KLHL13: variants seen among roughly 807,000 people sequenced by gnomAD.
KLHL13 encodes kelch like family member 13.
A neutral mutation model predicts 37.1 loss-of-function variants in KLHL13; 10 were observed. The ratio of observed to expected loss-of-function variants is 0.27; its 90% CI spans 0.17 to 0.46. The LOEUF (loss-of-function observed/expected upper bound fraction) is 0.46, where lower values mean the gene tolerates loss of function less well. KLHL13 is among the 20% of genes least tolerant of loss of function. The probability of loss-of-function intolerance (pLI) is 1.00; values close to 1 mark genes in which losing one functional copy is unlikely to be tolerated. For missense variants in KLHL13, 360 were observed against 509.3 expected, an observed-to-expected ratio of 0.71 and a Z score of 2.82; for synonymous variants, 163 against 181.2, an observed-to-expected ratio of 0.90 and a Z score of 0.81.
At chrX:118,079,522 G>T (rs1293836403) in intron 1 of KLHL13, among the ~76,000 whole-genome samples, 1 of 110,095 alleles carries the variant, frequency 9.1e-6, no homozygotes, top group African/African-American at 3.3e-5. Context: ...GTCAAATCAA[G>T]AACACAATCG....
chrX:117,920,317 T>C, exon 3 of KLHL13: 1 of 1,206,311 alleles, frequency 8.3e-7, no homozygotes, highest in Non-Finnish European at 1.1e-6. Flanking sequence ...CTGTGTCACC[T>C]GGCATCAGGG....
chrX:117,902,989 G>A (rs772144143), intron 5 of KLHL13, among the ~76,000 whole-genome samples: 2 of 110,375 alleles, frequency 1.8e-5, no homozygotes, highest in African/African-American at 6.6e-5. Flanking sequence ...TCTGGGCAGC[G>A]ACGGGTAAGC....
intron 1 of KLHL13, among the ~76,000 whole-genome samples, chrX:118,014,326 G>C (rs1237786328): frequency 9.0e-6 from 1 of 111,565 alleles, no homozygotes; most frequent in East Asian, 2.8e-4. Flanking sequence ...CTGTCTTATG[G>C]GTTTGAGATA....
At chrX:118,112,614 G>A (rs1335455090) in intron 1 of KLHL13, among the ~76,000 whole-genome samples, 1 of 112,137 alleles carries the variant, frequency 8.9e-6, no homozygotes, top group Admixed American at 9.5e-5. Context: ...TTGTGAAAGG[G>A]AATAATAAGG....
chrX:118,070,348 G>C (rs761463437), intron 1 of KLHL13, among the ~76,000 whole-genome samples: 2 of 112,247 alleles, frequency 1.8e-5, no homozygotes, highest in Non-Finnish European at 3.8e-5. Context: ...ATTTCTATTA[G>C]GATTTCTTTC....
Position 118,013,595 on chromosome X carries a change from A to G in KLHL13, c.-55-68020T>C, listed in dbSNP as rs142765926. ...GGTCGAGGAAACTAAAGGAAACTAA[A>G]CCAATGTGACAAACAAAATGTACAT... On this transcript the variant is annotated intron_variant, in intron 1 of 6. Transcript: ENST00000371882. Among the ~76,000 whole-genome samples the G allele has an allele frequency of 5.9e-3, 666 of 112,167 alleles. 4 individuals carry two copies. The highest frequency in any genetic ancestry group is 8.3e-3 in the Non-Finnish European group (440 of 53,216).
intron 1 of KLHL13, among the ~76,000 whole-genome samples, chrX:118,047,906 C>A (rs2054576004): frequency 9.0e-6 from 1 of 111,534 alleles, no homozygotes; most frequent in South Asian, 3.8e-4. Flanking sequence ...ACCCAGAAGA[C>A]AAAATAAGGT....
At chrX:118,091,612 A>G (rs1399595923) in intron 1 of KLHL13, among the ~76,000 whole-genome samples, 2 of 111,457 alleles carry the variant, frequency 1.8e-5, no homozygotes, top group Non-Finnish European at 3.8e-5. Flanking sequence ...GATAAAATAA[A>G]CTGAAAAAAA....
chrX:118,113,075 A>G (rs1258322265), intron 1 of KLHL13, among the ~76,000 whole-genome samples: 1 of 112,163 alleles, frequency 8.9e-6, no homozygotes, highest in Non-Finnish European at 1.9e-5. Flanking sequence ...TCTGATTTTT[A>G]ATAAAGTTGG....
chrX:118,095,049 T>C (rs1297678127), intron 1 of KLHL13, among the ~76,000 whole-genome samples: 1 of 111,038 alleles, frequency 9.0e-6, no homozygotes, highest in Non-Finnish European at 1.9e-5. Flanking sequence ...AATATTAACC[T>C]TAAAGGTAAA....
intron 1 of KLHL13, among the ~76,000 whole-genome samples, chrX:117,953,509 T>C (rs1194164244): frequency 9.0e-6 from 1 of 110,701 alleles, no homozygotes; most frequent in East Asian, 2.8e-4. Flanking sequence ...CATATGTAAC[T>C]AACCTGCACA....
intron 1 of KLHL13, among the ~76,000 whole-genome samples, chrX:118,053,156 T>C (rs2054635537): frequency 8.9e-6 from 1 of 111,830 alleles, no homozygotes; most frequent in African/African-American, 3.3e-5. Context: ...ACCCAAAGGA[T>C]TATAAAACAT....
chrX:117,946,896 T>A (rs1449444789), intron 1 of KLHL13: 1 of 111,868 alleles, frequency 8.9e-6, no homozygotes, highest in Non-Finnish European at 1.9e-5. Flanking sequence ...CTTGCAATAA[T>A]TAGCAAAAAT....
In KLHL13 at chrX:117,998,176, A is replaced by G. The variant is rs141281681; in HGVS notation, c.-55-52601T>C. Reference sequence around the variant, plus strand: ...AGAGACAAATACATAGGTACACAGAAACCCCATGGGAAGAACAGCTAAACT... The same window carrying G: ...AGAGACAAATACATAGGTACACAGAGACCCCATGGGAAGAACAGCTAAACT... On this transcript the variant is annotated intron_variant, in intron 1 of 6. Coordinates refer to the KLHL13 transcript ENST00000371882. Among the ~76,000 whole-genome samples, 171 of 111,877 alleles carry G rather than the reference A, an allele frequency of 1.5e-3. 2 individuals are homozygous for G. Among genetic ancestry groups the G allele is most frequent in the African/African-American group, 5.4e-3 (166 of 30,865 alleles).
chrX:118,036,465 C>G (rs1174180598), intron 1 of KLHL13, among the ~76,000 whole-genome samples: 1 of 111,297 alleles, frequency 9.0e-6, no homozygotes, highest in Admixed American at 9.5e-5. Context: ...TGATCTTTGA[C>G]TAACCGGAGA....
At chrX:118,085,162 G>C (rs1017229873) in intron 1 of KLHL13, among the ~76,000 whole-genome samples, 9 of 111,282 alleles carry the variant, frequency 8.1e-5, no homozygotes, top group African/African-American at 2.6e-4. Flanking sequence ...ATAAACATAA[G>C]TAGTAGTATA....
chrX:117,924,407 T>C (rs1185235871), intron 2 of KLHL13, among the ~76,000 whole-genome samples: 1 of 112,126 alleles, frequency 8.9e-6, no homozygotes, highest in Non-Finnish European at 1.9e-5. Context: ...CTTTTTGCTT[T>C]CACTCATAAA....
intron 1 of KLHL13, among the ~76,000 whole-genome samples, chrX:118,055,146 A>G (rs1273364137): frequency 8.9e-6 from 1 of 111,859 alleles, no homozygotes; most frequent in Non-Finnish European, 1.9e-5. Context: ...CTGGATCTAT[A>G]ACAAATATTT....
intron 1 of KLHL13, among the ~76,000 whole-genome samples, chrX:118,042,990 C>T (rs1287464059): frequency 9.3e-6 from 1 of 107,744 alleles, no homozygotes; most frequent in Non-Finnish European, 1.9e-5. Context: ...AATTGACAAA[C>T]CCTGAGCCAG....
Sources: gnomAD v4.1 joint callset for allele counts (sites outside exome capture counted in the v4.1 genomes callset) on GRCh38, gnomAD v4.1.1 for gene constraint, MANE v1.5 for transcripts, NCBI Gene and HGNC (gene_info 2026-07-23, HGNC 2026-07-21) for gene names.